DLGAP2: variants seen among roughly 807,000 people sequenced by gnomAD.
DLGAP2 encodes the protein disks large-associated protein 2.
In DLGAP2, 26 loss-of-function variants were observed where a neutral mutation model predicts 100.3. The ratio of observed to expected loss-of-function variants is 0.26; its 90% CI spans 0.19 to 0.36. DLGAP2 has a LOEUF of 0.36. Among genes scored for constraint, DLGAP2 ranks in the 10% least tolerant of loss-of-function variants. The probability of loss-of-function intolerance (pLI) is 1.00; values close to 1 mark genes in which losing one functional copy is unlikely to be tolerated. For synonymous variants in DLGAP2, 886 were observed against 630.1 expected (o/e 1.41, Z -6.08); for missense variants, 1,858 against 1,453.2 (o/e 1.28, Z -4.53).
chr8:1,701,261 C>G lies in DLGAP2; in HGVS notation c.3023C>G (p.Ser1008Cys), dbSNP rs1366294237. 1 of 1,581,960 alleles carries G rather than the reference C, an allele frequency of 6.3e-7. No individual in the cohort carries two copies. The highest frequency in any genetic ancestry group is 1.2e-5 in the South Asian group (1 of 86,488). The change falls in exon 15 of 15, where the codon TCC (serine) becomes TGC (cysteine). Residue 1008 changes from serine to cysteine, a missense_variant. Transcript: ENST00000637795. ...KGKFPITREKSLDLPDRQRQE... is the reference protein window; with the variant it reads ...KGKFPITREKCLDLPDRQRQE... ...AAGTTTCCCATCACAAGAGAAAAAT[C>G]CCTGGACCTGCCCGACAGACAACGC... is the stretch of plus-strand genomic sequence containing the variant.
At chr8:1,478,337 G>C (rs1184143593) in intron 3 of DLGAP2, among the ~76,000 whole-genome samples, 2 of 152,184 alleles carry the variant, frequency 1.3e-5, no homozygotes, top group Non-Finnish European at 2.9e-5. Context: ...AGGAACATGA[G>C]CACCCCTCAG....
chr8:1,590,267 G>C (rs1303721770), intron 6 of DLGAP2, among the ~76,000 whole-genome samples: 1 of 152,164 alleles, frequency 6.6e-6, no homozygotes, highest in Non-Finnish European at 1.5e-5. Context: ...GGATCTCCAT[G>C]GACCTCTTCT....
At chr8:1,640,770 C>T (rs955075785) in intron 8 of DLGAP2, among the ~76,000 whole-genome samples, 2 of 152,138 alleles carry the variant, frequency 1.3e-5, no homozygotes, top group East Asian at 1.9e-4. Context: ...TCACGTGGCC[C>T]GCCCCCCCGC....
chr8:1,539,906 A>C (rs1801301397), intron 4 of DLGAP2, among the ~76,000 whole-genome samples: 3 of 151,942 alleles, frequency 2.0e-5, no homozygotes, highest in Non-Finnish European at 4.4e-5. Flanking sequence ...GTCCATCCTC[A>C]ACAGCCAGGG....
intron 12 of DLGAP2, among the ~76,000 whole-genome samples, chr8:1,681,844 C>G (rs1481362650): frequency 6.6e-6 from 1 of 151,232 alleles, no homozygotes; most frequent in African/African-American, 2.4e-5. Flanking sequence ...GTAGCGGTGA[C>G]CCGGGACTGG....
chr8:1,321,959 G>T (rs927962277), intron 3 of DLGAP2, among the ~76,000 whole-genome samples: 1 of 152,116 alleles, frequency 6.6e-6, no homozygotes, highest in Non-Finnish European at 1.5e-5. Context: ...TTATGTTGTG[G>T]TTTAAAATCT....
At chr8:988,449 A>T (rs1331170109) in intron 2 of DLGAP2, among the ~76,000 whole-genome samples, 1 of 152,126 alleles carries the variant, frequency 6.6e-6, no homozygotes, top group African/African-American at 2.4e-5. Context: ...TTTGGTATTC[A>T]TTTCACATGA....
intron 2 of DLGAP2, among the ~76,000 whole-genome samples, chr8:1,053,698 A>G (rs189146073): frequency 6.6e-6 from 1 of 152,274 alleles, no homozygotes; most frequent in Admixed American, 6.5e-5. Context: ...TGCCTGACAT[A>G]TTGGGTGCTA....
chr8:1,005,890 G>A (rs540184914), intron 2 of DLGAP2, among the ~76,000 whole-genome samples: 11 of 152,230 alleles, frequency 7.2e-5, no homozygotes, highest in Middle Eastern at 3.4e-3. Context: ...CAGAACTTAC[G>A]TAACGGGGAG....
At chr8:1,613,293 C>G (rs1427880052) in intron 6 of DLGAP2, among the ~76,000 whole-genome samples, 3 of 143,446 alleles carry the variant, frequency 2.1e-5, no homozygotes, top group East Asian at 2.0e-4. Context: ...ATTGCAAGAA[C>G]AAAAAACCAA....
In DLGAP2 at chr8:965,668, CA is replaced by C. The variant is rs1423251687; in HGVS notation, c.73+57703del. Among the ~76,000 whole-genome samples, 52 of 133,442 alleles carry C rather than the reference CA, an allele frequency of 3.9e-4. 1 individual carries two copies. The highest frequency in any genetic ancestry group is 1.4e-3 in the African/African-American group (45 of 32,338). The allele number at this position is 133,442 out of a possible 152,430, so 87.5% of individuals were successfully genotyped here. On this transcript the variant is annotated intron_variant, in intron 2 of 14. Transcript: ENST00000637795. ...CACAGGGCTCCTGAGTCTGACCCCG[CA>C]CTGCACACGGCACTGTTCACCTCAC... is the stretch of plus-strand genomic sequence containing the variant.
chr8:1,505,917 A>C (rs967869718), intron 4 of DLGAP2, among the ~76,000 whole-genome samples: 2 of 152,268 alleles, frequency 1.3e-5, no homozygotes, highest in African/African-American at 4.8e-5. Flanking sequence ...TGCATTGATA[A>C]ATGAATGCAA....
At chr8:1,441,265 C>T (rs758316205) in intron 3 of DLGAP2, among the ~76,000 whole-genome samples, 1 of 152,116 alleles carries the variant, frequency 6.6e-6, no homozygotes, top group Non-Finnish European at 1.5e-5. Context: ...TACTGCTTAT[C>T]GTTGTATTTT....
At chr8:1,475,665 C>T (rs1317805410) in intron 3 of DLGAP2, among the ~76,000 whole-genome samples, 3 of 152,270 alleles carry the variant, frequency 2.0e-5, no homozygotes, top group Non-Finnish European at 2.9e-5. Context: ...ACCGCAAGGC[C>T]GAGCGGAGAG....
At chr8:1,376,496 C>T (rs569883051) in intron 3 of DLGAP2, among the ~76,000 whole-genome samples, 27 of 152,364 alleles carry the variant, frequency 1.8e-4, no homozygotes, top group Admixed American at 1.5e-3. Flanking sequence ...AGAGCTCCGA[C>T]GGAGCTGGAG....
intron 5 of DLGAP2, among the ~76,000 whole-genome samples, chr8:1,551,468 C>T (rs756842974): frequency 1.3e-4 from 20 of 152,150 alleles, no homozygotes; most frequent in Admixed American, 5.9e-4. Context: ...CCTCCAGCTG[C>T]GCCTTCTCCA....
At chr8:1,557,787 C>T (rs1016277787) in intron 5 of DLGAP2, among the ~76,000 whole-genome samples, 3 of 152,210 alleles carry the variant, frequency 2.0e-5, no homozygotes, top group Non-Finnish European at 4.4e-5. Flanking sequence ...TCTGTGACCT[C>T]ATCTCCCCTT....
intron 1 of DLGAP2, among the ~76,000 whole-genome samples, chr8:812,458 C>G (rs1796390439): frequency 6.6e-6 from 1 of 152,122 alleles, no homozygotes; most frequent in African/African-American, 2.4e-5. Context: ...AGGAGTTCTT[C>G]CCAAGAGGAA....
At chr8:1,408,401 C>A (rs1481085244) in intron 3 of DLGAP2, among the ~76,000 whole-genome samples, 1 of 151,902 alleles carries the variant, frequency 6.6e-6, no homozygotes, top group African/African-American at 2.4e-5. Context: ...TCCAAGTTCG[C>A]CACAACCTGT....
Sources: gnomAD v4.1 joint callset for allele counts (sites outside exome capture counted in the v4.1 genomes callset) on GRCh38, gnomAD v4.1.1 for gene constraint, MANE v1.5 for transcripts, NCBI Gene and HGNC (gene_info 2026-07-23, HGNC 2026-07-21) for gene names.